The following PRCP variants were observed in gnomAD, a reference collection of about 807,000 sequenced individuals.
PRCP encodes the protein prolylcarboxypeptidase.
Under a neutral mutation model 54.2 loss-of-function variants are expected in PRCP, and 46 were observed. That is an observed-to-expected ratio of 0.85 (90% CI 0.67 to 1.09). The LOEUF is 1.09. PRCP is among the 50% of genes least tolerant of loss of function. PRCP has a pLI of 0.00. For missense variants in PRCP, 613 were observed against 596.8 expected, an observed-to-expected ratio of 1.03 and a Z score of -0.28; for synonymous variants, 240 against 212.2, an observed-to-expected ratio of 1.13 and a Z score of -1.14.
Position 82,849,098 on chromosome 11 carries a change from T to C in PRCP, c.872A>G (p.Tyr291Cys). The C allele has an allele frequency of 6.2e-7, 1 of 1,614,100 alleles. No individual in the cohort carries two copies. The highest frequency in any genetic ancestry group is 8.5e-7 in the Non-Finnish European group (1 of 1,179,976). Residue 291 changes from tyrosine (Y) to cysteine (C), a missense_variant, in exon 6 of 9, where the codon TAT becomes TGT. Tyr to Cys is a radical substitution (Grantham distance 194). Coordinates refer to ENST00000313010, the MANE Select transcript of PRCP (RefSeq NM_005040.4). The part of the protein sequence containing the change: ...ETWVNLAMVD[Y>C]PYASNFLQPL... ...CTGTAAAAAGTTAGAGGCATAAGGA[T>C]AGTCCACCATTGCCAGATTCACCCA...
At chr11:82,893,570 T>C (rs943346456) in intron 1 of PRCP, among the ~76,000 whole-genome samples, 1 of 152,118 alleles carries the variant, frequency 6.6e-6, no homozygotes, top group Non-Finnish European at 1.5e-5. Flanking sequence ...GGTAAGAGAA[T>C]TGCTTGAGGA....
intron 6 of PRCP, among the ~76,000 whole-genome samples, chr11:82,843,703 C>T (rs1350790184): frequency 6.6e-6 from 1 of 152,208 alleles, no homozygotes; most frequent in East Asian, 1.9e-4. Context: ...CCTACACATA[C>T]TGTAAATGCG....
chr11:82,897,637 G>C (rs1860147513), intron 1 of PRCP, among the ~76,000 whole-genome samples: 1 of 152,228 alleles, frequency 6.6e-6, no homozygotes, highest in Non-Finnish European at 1.5e-5. Flanking sequence ...ACTTGAGTCT[G>C]TTAGGTTGCT....
At position 82,900,344 on chromosome 11, in the gene PRCP, A is replaced by ATGG; in HGVS notation, c.56_58dup (p.Thr19dup). On this transcript the variant is annotated inframe_insertion, in exon 1 of 9. Coordinates refer to ENST00000313010, the MANE Select transcript of PRCP (RefSeq NM_005040.4). Reference sequence around the variant, plus strand: ...GGCCCTTAAGGCCGGCCGGAGGGCTATGGTGGCCCAGGGCGCCAGAAAAGA... The same window carrying ATGG: ...GGCCCTTAAGGCCGGCCGGAGGGCTATGGTGGTGGCCCAGGGCGCCAGAAAAGA... 1.2e-6 allele frequency: 2 copies of ATGG among 1,614,120 alleles called. No homozygotes were observed. The highest frequency in any genetic ancestry group is 1.7e-6 in the Non-Finnish European group (2 of 1,179,972).
intron 8 of PRCP, chr11:82,827,769 G>C (rs1387081624): frequency 6.6e-6 from 1 of 152,042 alleles, no homozygotes; most frequent in Non-Finnish European, 1.5e-5. Context: ...TGAATTTCAG[G>C]ATCAGTTTGT....
At chr11:82,869,465 G>A (rs1009312552) in intron 1 of PRCP, among the ~76,000 whole-genome samples, 2 of 151,682 alleles carry the variant, frequency 1.3e-5, no homozygotes, top group Admixed American at 6.6e-5. Context: ...GAAGGGAAGG[G>A]AAAGGAGGAA....
intron 8 of PRCP, 145 bp from the exon 9 acceptor site, chr11:82,825,267 CA>C: frequency 1.4e-6 from 1 of 712,448 alleles, no homozygotes; most frequent in East Asian, 2.7e-5. Context: ...TCTAATTTAT[CA>C]TATGGATAGA....
intron 4 of PRCP, 26 bp downstream of exon 4, chr11:82,850,298 T>C (rs767198817): frequency 7.0e-7 from 1 of 1,425,884 alleles, no homozygotes; most frequent in East Asian, 2.6e-5. Flanking sequence ...TTAAGAAACG[T>C]TCATGTCCAG....
intron 1 of PRCP, among the ~76,000 whole-genome samples, chr11:82,891,533 T>A (rs931260983): frequency 2.0e-5 from 3 of 152,212 alleles, no homozygotes; most frequent in African/African-American, 4.8e-5. Flanking sequence ...TTCCTTACAA[T>A]GGCCCAGATG....
At chr11:82,872,939 T>A (rs954003366) in intron 1 of PRCP, among the ~76,000 whole-genome samples, 1 of 151,942 alleles carries the variant, frequency 6.6e-6, no homozygotes, top group Admixed American at 6.6e-5. Flanking sequence ...AGAGATAAGA[T>A]CAGTGGTGAA....
chr11:82,882,040 A>G (rs1859758903), intron 1 of PRCP, among the ~76,000 whole-genome samples: 1 of 152,234 alleles, frequency 6.6e-6, no homozygotes, highest in Non-Finnish European at 1.5e-5. Context: ...CTTAAGGAAG[A>G]GAAAATATAT....
At position 82,900,359 on chromosome 11, in the gene PRCP, G is replaced by T. The variant is rs1344278008; in HGVS notation, c.44C>A (p.Ala15Glu). ...CCGGAGGGCTATGGTGGCCCAGGGC[G>T]CCAGAAAAGACAGAAGCAGGAGCAG... Reference protein sequence around the residue: ...ALLLLLLSFLAPWATIALRPA... With the variant: ...ALLLLLLSFLEPWATIALRPA... Residue 15 changes from alanine (A) to glutamate (E), a missense_variant, in exon 1 of 9, where the codon GCG (alanine) becomes GAG (glutamate). By Grantham distance (107) the Ala-to-Glu change is moderately radical. Coordinates refer to ENST00000313010, the MANE Select transcript of PRCP (RefSeq NM_005040.4). 40 of 1,613,892 alleles carry T rather than the reference G, an allele frequency of 2.5e-5. No homozygotes were observed. The highest frequency in any genetic ancestry group is 3.1e-5 in the Non-Finnish European group (37 of 1,179,940).
intron 8 of PRCP, among the ~76,000 whole-genome samples, chr11:82,832,449 G>A (rs1186075496): frequency 1.3e-5 from 2 of 152,180 alleles, no homozygotes; most frequent in East Asian, 3.8e-4. Context: ...TTTCTCTAAT[G>A]ATCAGTGATG....
At chr11:82,836,653 G>A (rs971304615) in intron 8 of PRCP, 99 of 177,084 alleles carry the variant, frequency 5.6e-4, no homozygotes, top group Non-Finnish European at 8.1e-4. Flanking sequence ...GGCTCAAGCC[G>A]TCCTGCCACC....
At chr11:82,850,297 G>A (rs13306597) in intron 4 of PRCP, 27 bp downstream of exon 4, 293,097 of 1,404,094 alleles carry the variant, frequency 0.21, 31,963 homozygotes, top group African/African-American at 0.35. Context: ...ATTAAGAAAC[G>A]TTCATGTCCA....
chr11:82,900,033 T>C, intron 1 of PRCP: 1 of 646,542 alleles, frequency 1.5e-6, no homozygotes, highest in East Asian at 2.9e-5. Flanking sequence ...CCAAAACTAC[T>C]ACCAAATTAT....
chr11:82,900,120 C>G, intron 1 of PRCP, 115 bp downstream of exon 1: 1 of 1,347,242 alleles, frequency 7.4e-7, no homozygotes, highest in Non-Finnish European at 1.0e-6. Flanking sequence ...AAAAACCGAA[C>G]AGATCCTAGG....
chr11:82,895,540 C>T (rs1486239647), intron 1 of PRCP, among the ~76,000 whole-genome samples: 1 of 152,138 alleles, frequency 6.6e-6, no homozygotes, highest in Non-Finnish European at 1.5e-5. Context: ...AGATCAAGGT[C>T]AATCCATCAT....
intron 1 of PRCP, among the ~76,000 whole-genome samples, chr11:82,898,106 A>G (rs1479707453): frequency 6.6e-6 from 1 of 152,248 alleles, no homozygotes; most frequent in Admixed American, 6.5e-5. Flanking sequence ...AATTATAATT[A>G]TGCAATAAAT....
Sources: gnomAD v4.1 joint callset for allele counts (sites outside exome capture counted in the v4.1 genomes callset) on GRCh38, gnomAD v4.1.1 for gene constraint, MANE v1.5 for transcripts, NCBI Gene and HGNC (gene_info 2026-07-23, HGNC 2026-07-21) for gene names.